Variants in ITFG1 observed in about 807,000 individuals in gnomAD.
The protein encoded by ITFG1 is integrin alpha FG-GAP repeat containing 1, also known as T-cell immunomodulatory protein.
Under a neutral mutation model 81.8 loss-of-function variants are expected in ITFG1, and 34 were observed. The observed-to-expected ratio is 0.42, with a 90% CI of 0.32 to 0.55. The LOEUF is 0.55. ITFG1 is among the 20% of genes least tolerant of loss of function. The pLI, the probability that ITFG1 is intolerant of heterozygous loss-of-function variation, is 0.17. For synonymous variants in ITFG1, 285 were observed against 270.6 expected (o/e 1.05, Z -0.52); for missense variants, 672 against 755.4 (o/e 0.89, Z 1.29).
chr16:47,347,079 C>T (rs967751644), intron 8 of ITFG1, among the ~76,000 whole-genome samples: 5 of 152,178 alleles, frequency 3.3e-5, no homozygotes, highest in Admixed American at 6.5e-5. Context: ...CCAAGATGGC[C>T]GAATAGGAAC....
At chr16:47,284,993 T>C (rs1966864132) in intron 10 of ITFG1, among the ~76,000 whole-genome samples, 1 of 152,166 alleles carries the variant, frequency 6.6e-6, no homozygotes, top group African/African-American at 2.4e-5. Context: ...TCTACACATG[T>C]CAAGTATTAT....
intron 12 of ITFG1, among the ~76,000 whole-genome samples, chr16:47,257,830 A>G (rs150863857): frequency 6.6e-6 from 1 of 152,360 alleles, no homozygotes; most frequent in East Asian, 1.9e-4. Context: ...GTTTTGAAAT[A>G]CTGTTCTCTA....
intron 12 of ITFG1, 123 bp from the exon 13 acceptor site, chr16:47,238,131 C>T: frequency 1.6e-6 from 1 of 608,566 alleles, no homozygotes; most frequent in Non-Finnish European, 2.9e-6. Flanking sequence ...GAAACCAATT[C>T]AATTTCTTTA....
chr16:47,349,437 C>T (rs906864089), intron 8 of ITFG1, among the ~76,000 whole-genome samples: 8 of 151,860 alleles, frequency 5.3e-5, no homozygotes, highest in Non-Finnish European at 1.2e-4. Context: ...AGACTTTAAA[C>T]CAACAAAGAT....
At chr16:47,415,577 T>C (rs1049330349) in intron 6 of ITFG1, among the ~76,000 whole-genome samples, 9 of 152,042 alleles carry the variant, frequency 5.9e-5, no homozygotes, top group East Asian at 5.8e-4. Context: ...AAATCAGTAA[T>C]AGAAAAAACA....
At chr16:47,234,932 G>C (rs1371609329) in intron 13 of ITFG1, among the ~76,000 whole-genome samples, 4 of 152,222 alleles carry the variant, frequency 2.6e-5, no homozygotes, top group African/African-American at 9.6e-5. Context: ...TAAGCATCTG[G>C]CATTTCCCCT....
chr16:47,429,116 A>G (rs928493360), intron 5 of ITFG1, among the ~76,000 whole-genome samples: 2 of 152,174 alleles, frequency 1.3e-5, no homozygotes, highest in Non-Finnish European at 2.9e-5. Flanking sequence ...CATCACACCA[A>G]AAAAGAAATT....
intron 10 of ITFG1, chr16:47,263,009 A>T (rs1185295335): frequency 5.2e-6 from 1 of 192,898 alleles, no homozygotes; most frequent in African/African-American, 2.3e-5. Flanking sequence ...CGAAGCCATC[A>T]TGGCTAGGGG....
At chr16:47,263,680 T>C (rs574321741) in intron 10 of ITFG1, among the ~76,000 whole-genome samples, 7 of 152,332 alleles carry the variant, frequency 4.6e-5, no homozygotes, top group Admixed American at 3.3e-4. Flanking sequence ...CAGAGGTGGC[T>C]ATTTTACTTT....
chr16:47,315,556 C>T (rs1303178560), intron 8 of ITFG1, among the ~76,000 whole-genome samples: 1 of 152,052 alleles, frequency 6.6e-6, no homozygotes, highest in East Asian at 1.9e-4. Flanking sequence ...TCTCTTTCTT[C>T]CAAGTAGTTT....
chr16:47,248,048 A>G (rs1023099332), intron 12 of ITFG1, among the ~76,000 whole-genome samples: 1 of 150,814 alleles, frequency 6.6e-6, no homozygotes, highest in Non-Finnish European at 1.5e-5. Context: ...CATTACATAC[A>G]TACTCACGTA....
At chr16:47,326,266 T>C (rs560668053) in intron 8 of ITFG1, among the ~76,000 whole-genome samples, 44 of 152,256 alleles carry the variant, frequency 2.9e-4, no homozygotes, top group South Asian at 1.2e-3. Context: ...TTTGACAAAA[T>C]TCAACAACAC....
intron 5 of ITFG1, among the ~76,000 whole-genome samples, chr16:47,433,903 T>G (rs1008558802): frequency 1.1e-5 from 1 of 94,464 alleles, no homozygotes; most frequent in Non-Finnish European, 2.0e-5. Flanking sequence ...TATATATATA[T>G]ATAGTTGTCA....
chr16:47,299,177 G>A (rs1967033534), intron 10 of ITFG1, among the ~76,000 whole-genome samples: 1 of 152,182 alleles, frequency 6.6e-6, no homozygotes, highest in African/African-American at 2.4e-5. Flanking sequence ...GGTTAGGTTA[G>A]ACAATGCTGT....
intron 14 of ITFG1, among the ~76,000 whole-genome samples, chr16:47,204,351 T>G (rs1401291558): frequency 6.6e-6 from 1 of 152,222 alleles, no homozygotes; most frequent in Non-Finnish European, 1.5e-5. Flanking sequence ...GAGTCATTCC[T>G]TCCCTCAGTG....
intron 6 of ITFG1, among the ~76,000 whole-genome samples, chr16:47,406,339 T>C (rs1202479367): frequency 2.6e-5 from 4 of 152,266 alleles, no homozygotes; most frequent in Non-Finnish European, 4.4e-5. Context: ...CTAAGCATTG[T>C]ATGTATTTCT....
intron 10 of ITFG1, among the ~76,000 whole-genome samples, chr16:47,286,465 C>T (rs975023338): frequency 1.3e-5 from 2 of 151,998 alleles, no homozygotes; most frequent in African/African-American, 4.8e-5. Context: ...CATGGTGAAA[C>T]CCCATCTCTA....
intron 14 of ITFG1, among the ~76,000 whole-genome samples, chr16:47,182,800 A>C (rs546055053): frequency 6.6e-6 from 1 of 152,366 alleles, no homozygotes; most frequent in African/African-American, 2.4e-5. Context: ...TCCGGTCTAC[A>C]GCTCCCAGCG....
Position 47,209,405 on chromosome 16 carries a change from T to C in ITFG1, c.1453+9463A>G, listed in dbSNP as rs188404733. 3.9e-4 allele frequency among the ~76,000 whole-genome samples: 59 copies of C among 152,284 alleles called. 1 individual carries two copies. The highest frequency in any genetic ancestry group is 1.2e-3 in the African/African-American group (49 of 41,580). ...TACTCTATGGAACCTTATACAAATA[T>C]ACAATGGTATTTTAGGCTGCAAATA... On this transcript the variant is annotated intron_variant, in intron 14 of 17. Transcript: ENST00000320640.
Sources: allele counts gnomAD v4.1 joint callset (sites outside exome capture counted in the v4.1 genomes callset), GRCh38; gene constraint gnomAD v4.1.1; transcripts MANE v1.5; gene names NCBI Gene and HGNC (gene_info 2026-07-23, HGNC 2026-07-21).